Variants in ARK2N observed in about 807,000 individuals in gnomAD.
ARK2N encodes protein ARK2N.
chr18:46,217,990 C>A, the ARK2N span: 1 of 152,042 alleles, frequency 6.6e-6, no homozygotes, highest in African/African-American at 2.4e-5. Context: ...ATTCCTATAT[C>A]CTCTTCTAAC....
At chr18:46,258,698 C>T in the ARK2N span, among the ~76,000 whole-genome samples, 1 of 152,168 alleles carries the variant, frequency 6.6e-6, no homozygotes, top group Non-Finnish European at 1.5e-5. Context: ...TGCACTAATA[C>T]AGATTAGTAA....
chr18:46,216,032 T>C, the ARK2N span: 1 of 1,614,074 alleles, frequency 6.2e-7, no homozygotes, highest in Admixed American at 1.7e-5. This position sits in a 1 kb window ranked among gnomAD's most constrained non-coding sequence, Gnocchi z 4.3. Flanking sequence ...GATTCTACAG[T>C]TATTTCTTCA....
At chr18:46,188,612 C>T in the ARK2N span, among the ~76,000 whole-genome samples, 1 of 152,268 alleles carries the variant, frequency 6.6e-6, no homozygotes, top group Non-Finnish European at 1.5e-5. Context: ...TCCCAAAGTG[C>T]TGGAGATTAC....
At chr18:46,196,895 C>T in the ARK2N span, among the ~76,000 whole-genome samples, 3 of 152,162 alleles carry the variant, frequency 2.0e-5, no homozygotes, top group East Asian at 3.9e-4. Flanking sequence ...TTGAACCTCT[C>T]CAAGAGTGCC....
At chr18:46,210,154 G>C in the ARK2N span, among the ~76,000 whole-genome samples, 1 of 152,202 alleles carries the variant, frequency 6.6e-6, no homozygotes, top group African/African-American at 2.4e-5. Context: ...GAGAAAGACT[G>C]AGTTTGAAGA....
the ARK2N span, among the ~76,000 whole-genome samples, chr18:46,237,104 T>G: frequency 6.6e-6 from 1 of 151,710 alleles, no homozygotes; most frequent in Non-Finnish European, 1.5e-5. Flanking sequence ...CTCAAGTGAT[T>G]CACCTGCATC....
the ARK2N span, among the ~76,000 whole-genome samples, chr18:46,207,168 AC>A: frequency 4.5e-4 from 68 of 152,234 alleles, no homozygotes; most frequent in African/African-American, 1.6e-3. Context: ...TTTGTCCACT[AC>A]CTTACCTCAG....
the ARK2N span, among the ~76,000 whole-genome samples, chr18:46,261,370 A>G: frequency 1.3e-5 from 2 of 152,224 alleles, no homozygotes; most frequent in Non-Finnish European, 2.9e-5. Flanking sequence ...CCCTCTCTGT[A>G]GAGTGAGGAT....
At chr18:46,203,212 C>T in the ARK2N span, among the ~76,000 whole-genome samples, 55 of 152,262 alleles carry the variant, frequency 3.6e-4, no homozygotes, top group African/African-American at 1.3e-3. Context: ...ATGCGTTGCT[C>T]ATGATGTCCC....
the ARK2N span, among the ~76,000 whole-genome samples, chr18:46,240,818 C>T: frequency 6.6e-6 from 1 of 152,144 alleles, no homozygotes; most frequent in Non-Finnish European, 1.5e-5. Context: ...CTGCTGTTAC[C>T]TTTGAAAAAC....
At chr18:46,190,444 C>T in the ARK2N span, among the ~76,000 whole-genome samples, 1 of 148,308 alleles carries the variant, frequency 6.7e-6, no homozygotes, top group Admixed American at 6.8e-5. Context: ...GCTGAGATCA[C>T]GCCACTGCAC....
chr18:46,185,588 CAAT>C, the ARK2N span, among the ~76,000 whole-genome samples: 4 of 152,220 alleles, frequency 2.6e-5, no homozygotes, highest in Non-Finnish European at 4.4e-5. Context: ...AGTAGGTCCA[CAAT>C]AATGTTTGAA....
chr18:46,183,609 C>G, the ARK2N span, among the ~76,000 whole-genome samples: 1 of 152,132 alleles, frequency 6.6e-6, no homozygotes, highest in Non-Finnish European at 1.5e-5. Flanking sequence ...ATAGCTTCTT[C>G]AAACTTTTCT....
the ARK2N span, among the ~76,000 whole-genome samples, chr18:46,259,536 C>T: frequency 2.6e-5 from 4 of 152,070 alleles, no homozygotes; most frequent in Admixed American, 6.6e-5. Context: ...GCCACCGCGC[C>T]CAGCCACTCT....
At chr18:46,229,741 C>G in the ARK2N span, among the ~76,000 whole-genome samples, 1 of 151,914 alleles carries the variant, frequency 6.6e-6, no homozygotes, top group Non-Finnish European at 1.5e-5. Context: ...GTAGCTGGGA[C>G]CGCAAATGTG....
the ARK2N span, among the ~76,000 whole-genome samples, chr18:46,250,813 G>A: frequency 6.6e-6 from 1 of 151,972 alleles, no homozygotes; most frequent in Admixed American, 6.6e-5. Flanking sequence ...TCTTTTGACT[G>A]TTACCCCCAA....
the ARK2N span, among the ~76,000 whole-genome samples, chr18:46,244,726 C>T: frequency 6.6e-6 from 1 of 151,308 alleles, no homozygotes. Flanking sequence ...CTCAGCCTCA[C>T]AAGTAGCTGG....
chr18:46,252,791 C>A, the ARK2N span, among the ~76,000 whole-genome samples: 12 of 152,106 alleles, frequency 7.9e-5, no homozygotes, highest in Non-Finnish European at 1.8e-4. Context: ...GGTACATAGG[C>A]CGAATTATTT....
the ARK2N span, among the ~76,000 whole-genome samples, chr18:46,255,459 T>TA: frequency 7.4e-6 from 1 of 134,570 alleles, no homozygotes; most frequent in African/African-American, 2.8e-5. Context: ...TTTTTTTTTT[T>TA]TTTTTTTTTG....
Sources: allele counts gnomAD v4.1 joint callset (sites outside exome capture counted in the v4.1 genomes callset), GRCh38; gene constraint gnomAD v4.1.1; non-coding constraint Gnocchi (gnomAD v3.1); transcripts MANE v1.5; gene names NCBI Gene and HGNC (gene_info 2026-07-23, HGNC 2026-07-21).